Variants in C8orf82 observed in about 807,000 individuals in gnomAD.
C8orf82 encodes the protein chromosome 8 open reading frame 82, also known as UPF0598 protein C8orf82.
Under a neutral mutation model 15.0 loss-of-function variants are expected in C8orf82, and 24 were observed. The observed-to-expected ratio is 1.60, with a 90% CI of 1.16 to 2.24. The LOEUF (loss-of-function observed/expected upper bound fraction) is 2.24, where lower values mean the gene tolerates loss of function less well. C8orf82 is among the 30% of genes most tolerant of loss of function. The probability of loss-of-function intolerance (pLI) is 0.00; values close to 1 mark genes in which losing one functional copy is unlikely to be tolerated. For missense variants in C8orf82, 388 were observed against 317.4 expected, an observed-to-expected ratio of 1.22 and a Z score of -1.69; for synonymous variants, 205 against 152.2, an observed-to-expected ratio of 1.35 and a Z score of -2.55.
At chr8:144,528,555 C>T in intron 1 of C8orf82, 2 of 1,315,380 alleles carry the variant, frequency 1.5e-6, no homozygotes, top group Non-Finnish European at 2.0e-6. Flanking sequence ...CCCAACTCCC[C>T]GTCTTTCCAG....
chr8:144,527,216 C>T lies in C8orf82; in HGVS notation c.*126G>A. 2 of 572,430 alleles carry T rather than the reference C, an allele frequency of 3.5e-6. No homozygotes were observed. Among genetic ancestry groups the T allele is most frequent in the Non-Finnish European group, 4.8e-6 (2 of 420,624 alleles). 35.5% of individuals were successfully genotyped at this position (572,430 alleles called of 1,614,324 possible). A position where few individuals can be genotyped will look rare whatever the true frequency, so the allele number is the denominator to read the frequency against. On this transcript the variant is annotated 3_prime_UTR_variant, in exon 3 of 3. Coordinates refer to ENST00000524821, the MANE Select transcript of C8orf82 (RefSeq NM_001001795.2). The stretch of plus-strand genomic sequence containing the variant: ...CACCAAGGACAGCGCCGGGTGGGGG[C>T]GGGGCCGAGCGCGCAGGCGCACTAG...
intron 1 of C8orf82, 183 bp downstream of exon 1, chr8:144,528,576 TCC>T: frequency 8.0e-7 from 1 of 1,249,384 alleles, no homozygotes; most frequent in Middle Eastern, 2.9e-4. Flanking sequence ...CGCGCTCTCC[TCC>T]AGCTCTGAGG....
chr8:144,528,615 C>CGGGGGGG (rs1816481751), intron 1 of C8orf82, 146 bp downstream of exon 1: 2 of 268,470 alleles, frequency 7.4e-6, no homozygotes, highest in Non-Finnish European at 1.2e-5. Context: ...CGCGCAGGCC[C>CGGGGGGG]CGCCCACCCA....
At chr8:144,528,363 C>G (rs1282410344) in intron 1 of C8orf82, 1 of 1,504,342 alleles carries the variant, frequency 6.6e-7, no homozygotes, top group Non-Finnish European at 8.9e-7. Context: ...ACTACCTGGC[C>G]TGCTGCCTCC....
chr8:144,527,421 G>A lies in C8orf82; in HGVS notation c.572C>T (p.Ser191Leu). The A allele has an allele frequency of 1.6e-6, 2 of 1,245,178 alleles. No individual in the cohort carries two copies. The highest frequency in any genetic ancestry group is 2.3e-5 in the South Asian group (1 of 44,222). The allele number at this position is 1,245,178 out of a possible 1,614,324, so 77.1% of individuals were successfully genotyped here. The stretch of plus-strand genomic sequence containing the variant: ...GCGGCGGCCCTGCCAGCGCACGTGC[G>A]AGGGCAGCGCAGGCGCGCCGGGCCC... ...EYGPGAPALP[S>L]HVRWQGRRLA... Residue 191 changes from serine to leucine, a missense_variant, in exon 3 of 3, where the codon TCG becomes TTG. Ser to Leu is a moderately radical substitution (Grantham distance 145). Coordinates refer to ENST00000524821, the MANE Select transcript of C8orf82 (RefSeq NM_001001795.2).
rs1816361745 is a variant in C8orf82, at chr8:144,526,405, G to T, written c.*937C>A. 6.6e-6 allele frequency: 1 copy of T among 152,258 alleles called. No individual in the cohort carries two copies. The highest frequency in any genetic ancestry group is 2.4e-5 in the African/African-American group (1 of 41,444). 9.4% of individuals were successfully genotyped at this position (152,258 alleles called of 1,614,324 possible). On this transcript the variant is annotated 3_prime_UTR_variant, in exon 3 of 3. Coordinates refer to ENST00000524821, the MANE Select transcript of C8orf82 (RefSeq NM_001001795.2). ...GGCCCACTCAGCCTCCCCCAGGAAG[G>T]CTTCTCAAGTGGAGAAGGTTCTTGG... is the stretch of plus-strand genomic sequence containing the variant.
rs1816370647 is a variant in C8orf82, at chr8:144,526,627, C to T, written c.*715G>A. 6.6e-6 allele frequency: 1 copy of T among 152,280 alleles called. No homozygotes were observed. The highest frequency in any genetic ancestry group is 2.4e-5 in the African/African-American group (1 of 41,466). The allele number at this position is 152,280 out of a possible 1,614,324, so 9.4% of individuals were successfully genotyped here. A position where few individuals can be genotyped will look rare whatever the true frequency, so the allele number is the denominator to read the frequency against. The stretch of plus-strand genomic sequence containing the variant: ...GATTCCGCGACGACTGTCACTGCCT[C>T]CTGGGCGCCCCTCTGTGCGGGAGCG... On this transcript the variant is annotated 3_prime_UTR_variant, in exon 3 of 3. Transcript: ENST00000524821.
chr8:144,528,725 C>G (rs1816499102), intron 1 of C8orf82, 36 bp downstream of exon 1: 1 of 1,133,920 alleles, frequency 8.8e-7, no homozygotes, highest in Non-Finnish European at 1.1e-6. Flanking sequence ...CCTCTCCCGG[C>G]CCCGCCTCTC....
At chr8:144,528,441 A>G in intron 1 of C8orf82, 1 of 1,475,778 alleles carries the variant, frequency 6.8e-7, no homozygotes, top group Non-Finnish European at 9.0e-7. Flanking sequence ...TCTCCCTGGC[A>G]GCGGCGAGAA....
Position 144,528,953 on chromosome 8 carries a change from C to A in C8orf82, c.-37G>T. ...GCCGGAAGCGACCAGCAGGTCACGC[C>A]GGGGGCGGTGCTGCGCGAACTCGCG... is the stretch of plus-strand genomic sequence containing the variant. On this transcript the variant is annotated 5_prime_UTR_variant, in exon 1 of 3. Coordinates refer to ENST00000524821, the MANE Select transcript of C8orf82 (RefSeq NM_001001795.2). 6.7e-7 allele frequency: 1 copy of A among 1,486,176 alleles called. No individual in the cohort carries two copies. Among genetic ancestry groups the A allele is most frequent in the African/African-American group, 1.5e-5 (1 of 68,478 alleles). 92.1% of individuals were successfully genotyped at this position (1,486,176 alleles called of 1,614,324 possible).
chr8:144,527,829 C>A, intron 2 of C8orf82, 42 bp from the exon 3 acceptor site: 1 of 1,582,380 alleles, frequency 6.3e-7, no homozygotes, highest in Non-Finnish European at 8.6e-7. Context: ...GCTGGGCTCC[C>A]AAGGCCTCCG....
chr8:144,528,941 A>C lies in C8orf82; in HGVS notation c.-25T>G, dbSNP rs373651571. ...TTCTCCTCCCGCGCCGGAAGCGACCAGCAGGTCACGCCGGGGGCGGTGCTG... is the reference window on the plus strand; with the variant it reads ...TTCTCCTCCCGCGCCGGAAGCGACCCGCAGGTCACGCCGGGGGCGGTGCTG... On this transcript the variant is annotated 5_prime_UTR_variant, in exon 1 of 3. Transcript: ENST00000524821. The C allele has an allele frequency of 2.7e-4, 399 of 1,496,456 alleles. 2 individuals carry two copies. In the African/African-American group the frequency reaches 5.3e-3, roughly 20 times the overall value. 92.7% of individuals were successfully genotyped at this position (1,496,456 alleles called of 1,614,324 possible). A position where few individuals can be genotyped will look rare whatever the true frequency, so the allele number is the denominator to read the frequency against.
rs1326731973 is a variant in C8orf82, at chr8:144,528,506, C to A, written c.156+255G>T. The A allele has an allele frequency of 4.9e-6, 7 of 1,423,722 alleles. No individual in the cohort carries two copies. The Admixed American group carries it at 1.6e-4, about 32-fold the overall frequency. 88.2% of individuals were successfully genotyped at this position (1,423,722 alleles called of 1,614,324 possible). Reference sequence around the variant, plus strand: ...CAGAGTCCGAAGCTGCACAACGCAGCAGGGACGCGGCCCATGTAGGAGCCT... The same window carrying A: ...CAGAGTCCGAAGCTGCACAACGCAGAAGGGACGCGGCCCATGTAGGAGCCT... On this transcript the variant is annotated intron_variant, in intron 1 of 2. Transcript: ENST00000524821.
chr8:144,528,555 C>G (rs1428404620), intron 1 of C8orf82: 15 of 1,315,262 alleles, frequency 1.1e-5, no homozygotes, highest in African/African-American at 1.5e-5. Context: ...CCCAACTCCC[C>G]GTCTTTCCAG....
chr8:144,525,798 T>C lies in C8orf82; in HGVS notation c.*1544A>G, dbSNP rs1399034006. 1 of 152,076 alleles carries C rather than the reference T, an allele frequency of 6.6e-6. No individual in the cohort carries two copies. The highest frequency in any genetic ancestry group is 2.4e-5 in the African/African-American group (1 of 41,372). The allele number at this position is 152,076 out of a possible 1,614,324, so 9.4% of individuals were successfully genotyped here. Reference sequence around the variant, plus strand: ...GGGATAGATGGGGCCCTGGGAAAGCTGGGGTGGGACAGGGGACGCCTTGGG... The same window carrying C: ...GGGATAGATGGGGCCCTGGGAAAGCCGGGGTGGGACAGGGGACGCCTTGGG... On this transcript the variant is annotated 3_prime_UTR_variant, in exon 3 of 3. Coordinates refer to ENST00000524821, the MANE Select transcript of C8orf82 (RefSeq NM_001001795.2).
chr8:144,527,492 C>T lies in C8orf82; in HGVS notation c.501G>A (p.Leu167=). The change falls in exon 3 of 3, where the codon CTG becomes CTA. Residue 167 remains leucine (L), a synonymous_variant. Transcript: ENST00000524821. ...GCTCGAAGGCCAGGGCGGAGCGCAC[C>T]AGGCCCACGCCGCCCGCACGCTCCG... ...PAPERAGGVG[L]VRSALAFELS... The T allele has an allele frequency of 7.9e-7, 1 of 1,271,872 alleles. No individual in the cohort carries two copies. Among genetic ancestry groups the T allele is most frequent in the Non-Finnish European group, 9.9e-7 (1 of 1,008,680 alleles). 78.8% of individuals were successfully genotyped at this position (1,271,872 alleles called of 1,614,324 possible).
At position 144,526,921 on chromosome 8, in the gene C8orf82, C is replaced by G. The variant is rs1816384437; in HGVS notation, c.*421G>C. 6.6e-6 allele frequency: 1 copy of G among 152,262 alleles called. No individual in the cohort carries two copies. Among genetic ancestry groups the G allele is most frequent in the South Asian group, 2.1e-4 (1 of 4,834 alleles). The allele number at this position is 152,262 out of a possible 1,614,324, so 9.4% of individuals were successfully genotyped here. On this transcript the variant is annotated 3_prime_UTR_variant, in exon 3 of 3. Transcript: ENST00000524821. The stretch of plus-strand genomic sequence containing the variant: ...CGGGATGGTCCCCGATCCCCCAGCG[C>G]CCCCACGCCTGGTGACCTTGGGTCG...
Position 144,528,870 on chromosome 8 carries a change from G to T in C8orf82, c.47C>A (p.Ser16Ter). The T allele has an allele frequency of 6.6e-7, 1 of 1,518,814 alleles. No homozygotes were observed. 94.1% of individuals were successfully genotyped at this position (1,518,814 alleles called of 1,614,324 possible). Residue 16 changes from serine to a stop codon, truncating the protein, a stop_gained, in exon 1 of 3, where the codon TCG becomes TAG. Coordinates refer to ENST00000524821, the MANE Select transcript of C8orf82 (RefSeq NM_001001795.2). LOFTEE classifies it high-confidence loss of function. ...GTLRTLALAR[S>*]RGARACSGDG... is the part of the protein sequence containing the mutation. ...CCCGCTGCAGGCCCGGGCTCCCCGC[G>T]ACCGCGCCAAGGCCAGGGTCCGGAG...
intron 1 of C8orf82, 73 bp from the exon 2 acceptor site, chr8:144,528,145 A>G: frequency 1.3e-6 from 2 of 1,583,682 alleles, no homozygotes; most frequent in Non-Finnish European, 1.7e-6. Context: ...GAGGTCCTGA[A>G]GCTCGGGAGG....
Sources: allele counts gnomAD v4.1 joint callset, GRCh38; gene constraint gnomAD v4.1.1; transcripts MANE v1.5; gene names NCBI Gene and HGNC (gene_info 2026-07-23, HGNC 2026-07-21).